The following UVRAG variants were observed in gnomAD, a reference collection of about 807,000 sequenced individuals.
UVRAG encodes UV radiation resistance associated.
UVRAG carries 19 observed loss-of-function variants against 78.0 expected under a neutral mutation model. That is an observed-to-expected ratio of 0.24 (90% CI 0.17 to 0.36). The LOEUF is 0.36. Among genes scored for constraint, UVRAG ranks in the 10% least tolerant of loss-of-function variants. The pLI is 1.00. For missense variants in UVRAG, 740 were observed against 853.8 expected (o/e 0.87, Z 1.66); for synonymous variants, 323 against 324.6 (o/e 1.00, Z 0.05).
chr11:75,916,316 G>T (rs902662117), intron 6 of UVRAG: 2 of 152,090 alleles, frequency 1.3e-5, no homozygotes, highest in African/African-American at 4.8e-5. Context: ...GCTAATATTT[G>T]TCTCTTCTAT....
intron 8 of UVRAG, among the ~76,000 whole-genome samples, chr11:76,001,670 A>G (rs544184978): frequency 6.1e-4 from 93 of 152,346 alleles, no homozygotes; most frequent in African/African-American, 2.1e-3. Flanking sequence ...AAAAAACATG[A>G]TGGCAGCATC....
At position 76,140,857 on chromosome 11, in the gene UVRAG, A is replaced by G; in HGVS notation, c.1544A>G (p.Gln515Arg). ...GCCAGCTCTGAGAATGAGAGACTTC[A>G]GTACAAAACCCCTCCTCCCAGTTAC... is the stretch of plus-strand genomic sequence containing the variant. ...KRASSENERL[Q>R]YKTPPPSYNS... Residue 515 changes from glutamine to arginine, a missense_variant, in exon 15 of 15, where the codon CAG becomes CGG. Transcript: ENST00000356136. 6.2e-7 allele frequency: 1 copy of G among 1,614,186 alleles called. No individual in the cohort carries two copies. Among genetic ancestry groups the G allele is most frequent in the Non-Finnish European group, 8.5e-7 (1 of 1,180,034 alleles).
chr11:75,937,157 C>G (rs1193538827), intron 6 of UVRAG, among the ~76,000 whole-genome samples: 1 of 152,186 alleles, frequency 6.6e-6, no homozygotes, highest in Non-Finnish European at 1.5e-5. Context: ...ATCCTGAGGT[C>G]AGGAGTTTGA....
chr11:75,843,436 G>C lies in UVRAG; in HGVS notation c.118-8447G>C, dbSNP rs1202508071. ...CCTTACAGTATAAGTTCTTTCCCTAGTTGTAATCTTTGACAGTTTTAAAGG... is the reference window on the plus strand; with the variant it reads ...CCTTACAGTATAAGTTCTTTCCCTACTTGTAATCTTTGACAGTTTTAAAGG... On this transcript the variant is annotated intron_variant, in intron 1 of 14. Coordinates refer to ENST00000356136, the MANE Select transcript of UVRAG (RefSeq NM_003369.4). Among the ~76,000 whole-genome samples, 4 of 152,262 alleles carry C rather than the reference G, an allele frequency of 2.6e-5. No individual in the cohort carries two copies. The East Asian group carries it at 7.7e-4, about 29-fold the overall frequency.
At chr11:76,090,949 T>C (rs1360512809) in intron 13 of UVRAG, among the ~76,000 whole-genome samples, 4 of 152,214 alleles carry the variant, frequency 2.6e-5, no homozygotes, top group Non-Finnish European at 5.9e-5. Context: ...TTCTCTTATG[T>C]TGAAACCTCT....
chr11:75,924,880 A>C (rs1164375221), intron 6 of UVRAG, among the ~76,000 whole-genome samples: 1 of 152,214 alleles, frequency 6.6e-6, no homozygotes, highest in Admixed American at 6.5e-5. Context: ...AGCCCTTCCC[A>C]AAACATGTTC....
At chr11:76,040,704 C>T (rs1047080575) in intron 12 of UVRAG, among the ~76,000 whole-genome samples, 10 of 151,916 alleles carry the variant, frequency 6.6e-5, no homozygotes, top group East Asian at 2.0e-4. Context: ...TACAGGCACG[C>T]GCAACCACAC....
intron 6 of UVRAG, among the ~76,000 whole-genome samples, chr11:75,935,509 G>A (rs763204370): frequency 1.9e-4 from 29 of 152,006 alleles, no homozygotes; most frequent in Non-Finnish European, 3.7e-4. Flanking sequence ...TCAGTGGATT[G>A]ACCATTATTT....
At chr11:75,962,544 A>C (rs912817612) in intron 7 of UVRAG, among the ~76,000 whole-genome samples, 1 of 152,184 alleles carries the variant, frequency 6.6e-6, no homozygotes, top group African/African-American at 2.4e-5. Context: ...AAACATACAA[A>C]ATAGGATAAC....
At chr11:75,975,814 A>G (rs1949226634) in intron 7 of UVRAG, among the ~76,000 whole-genome samples, 1 of 152,234 alleles carries the variant, frequency 6.6e-6, no homozygotes, top group African/African-American at 2.4e-5. Flanking sequence ...ATCTGCAAAC[A>G]GGGACAATTT....
chr11:75,853,695 C>T (rs1590935756), intron 2 of UVRAG, among the ~76,000 whole-genome samples: 1 of 151,910 alleles, frequency 6.6e-6, no homozygotes, highest in East Asian at 1.9e-4. Flanking sequence ...TTCCACTATC[C>T]TCATGTAATT....
chr11:76,130,392 C>A (rs538163917), intron 14 of UVRAG, among the ~76,000 whole-genome samples: 1 of 152,280 alleles, frequency 6.6e-6, no homozygotes, highest in South Asian at 2.1e-4. Context: ...ATTATTATAG[C>A]CCCAGAGTCT....
intron 10 of UVRAG, among the ~76,000 whole-genome samples, chr11:76,008,411 A>G (rs1161252689): frequency 6.6e-6 from 1 of 152,244 alleles, no homozygotes; most frequent in Non-Finnish European, 1.5e-5. Context: ...TCAGAGAACT[A>G]AATCTGCTAA....
At chr11:76,130,920 G>A (rs1952501245) in intron 14 of UVRAG, among the ~76,000 whole-genome samples, 2 of 149,962 alleles carry the variant, frequency 1.3e-5, no homozygotes, top group African/African-American at 5.0e-5. Context: ...AAAGGCAGAG[G>A]TTTTGGGTTT....
intron 5 of UVRAG, among the ~76,000 whole-genome samples, chr11:75,896,289 G>A (rs1947343750): frequency 6.6e-6 from 1 of 152,148 alleles, no homozygotes; most frequent in Admixed American, 6.5e-5. Flanking sequence ...ATGGTGATTA[G>A]GGGAGGATGA....
At chr11:76,054,750 CAT>C (rs1355328202) in intron 12 of UVRAG, among the ~76,000 whole-genome samples, 1 of 152,010 alleles carries the variant, frequency 6.6e-6, no homozygotes, top group African/African-American at 2.4e-5. Context: ...TCTTATTTGT[CAT>C]GTCTCTCTCA....
At position 75,856,387 on chromosome 11, in the gene UVRAG, A is replaced by G. The variant is rs115578196; in HGVS notation, c.235+4387A>G. 5.2e-3 allele frequency among the ~76,000 whole-genome samples: 786 copies of G among 152,284 alleles called. 7 individuals carry two copies. The highest frequency in any genetic ancestry group is 0.018 in the African/African-American group (749 of 41,572). ...CTGGAATACCGACTGTCTTGAATAC[A>G]TCAGAAGATGAACTCTATATTACTT... On this transcript the variant is annotated intron_variant, in intron 2 of 14. Coordinates refer to ENST00000356136, the MANE Select transcript of UVRAG (RefSeq NM_003369.4).
chr11:76,010,496 G>C (rs1236331760), intron 11 of UVRAG, among the ~76,000 whole-genome samples: 1 of 152,154 alleles, frequency 6.6e-6, no homozygotes, highest in Non-Finnish European at 1.5e-5. Context: ...CTACAGCTGG[G>C]GGAAGAGCAT....
chr11:75,855,546 T>A (rs1413341232), intron 2 of UVRAG, among the ~76,000 whole-genome samples: 1 of 152,232 alleles, frequency 6.6e-6, no homozygotes, highest in Non-Finnish European at 1.5e-5. Flanking sequence ...TTAGTAATTC[T>A]AGTTAGTGCT....
Sources: gnomAD v4.1 joint callset for allele counts (sites outside exome capture counted in the v4.1 genomes callset) on GRCh38, gnomAD v4.1.1 for gene constraint, MANE v1.5 for transcripts, NCBI Gene and HGNC (gene_info 2026-07-23, HGNC 2026-07-21) for gene names.